STK3: variants seen among roughly 807,000 people sequenced by gnomAD.
The protein encoded by STK3 is serine/threonine-protein kinase 3.
A neutral mutation model predicts 58.0 loss-of-function variants in STK3; 41 were observed. That is an observed-to-expected ratio of 0.71 (90% CI 0.55 to 0.92). The LOEUF is 0.92. Among genes scored for constraint, STK3 ranks in the 40% least tolerant of loss-of-function variants. STK3 has a pLI of 0.00. For synonymous variants in STK3, 170 were observed against 191.0 expected (o/e 0.89, Z 0.91); for missense variants, 479 against 602.7 (o/e 0.79, Z 2.15).
At chr8:98,434,037 C>T (rs1189253667) in intron 3 of STK3, 2 of 152,226 alleles carry the variant, frequency 1.3e-5, no homozygotes, top group African/African-American at 4.8e-5. Context: ...GCTAGGAGAT[C>T]CCCTACCTGT....
intron 8 of STK3, among the ~76,000 whole-genome samples, chr8:98,562,575 C>T (rs1812132131): frequency 6.6e-6 from 1 of 151,326 alleles, no homozygotes; most frequent in South Asian, 2.1e-4. Flanking sequence ...TTCTGTTTGA[C>T]AGTACAGTGT....
chr8:98,616,651 G>C (rs1300598844), intron 6 of STK3, among the ~76,000 whole-genome samples: 3 of 149,082 alleles, frequency 2.0e-5, no homozygotes, highest in African/African-American at 7.4e-5. Context: ...AAAAAGGCAG[G>C]GGTTGCAATC....
chr8:98,845,820 G>C (rs1836179968), intron 3 of STK3, among the ~76,000 whole-genome samples: 1 of 152,226 alleles, frequency 6.6e-6, no homozygotes, highest in African/African-American at 2.4e-5. Flanking sequence ...TGGAAGACTT[G>C]TAGCAGGAGG....
rs1350501398 is a variant in STK3, at chr8:98,921,877, A to G, written c.-79+20501T>C. ...TGGTTAAGTTTTTGTATTTTTTAGT[A>G]AAGACAGGGTTTTGCCATGTTGGCC... On this transcript the variant is annotated intron_variant, in intron 1 of 1. Coordinates refer to the STK3 transcript ENST00000519420. Among the ~76,000 whole-genome samples, 4 of 152,164 alleles carry G rather than the reference A, an allele frequency of 2.6e-5. No individual in the cohort carries two copies. The East Asian group carries it at 7.7e-4, about 29-fold the overall frequency.
At chr8:98,462,129 G>A (rs1022410427) in intron 10 of STK3, among the ~76,000 whole-genome samples, 2 of 152,082 alleles carry the variant, frequency 1.3e-5, no homozygotes. Flanking sequence ...GTACAATTAA[G>A]TTATTATTAA....
chr8:98,471,163 G>A (rs16897031), intron 10 of STK3, among the ~76,000 whole-genome samples: 8,581 of 151,998 alleles, frequency 0.056, 335 homozygotes, highest in South Asian at 0.19. Context: ...CAATGGTATC[G>A]GAAACTGAGA....
At chr8:98,910,685 A>T (rs1839094151) in intron 1 of STK3, among the ~76,000 whole-genome samples, 1 of 152,218 alleles carries the variant, frequency 6.6e-6, no homozygotes, top group Non-Finnish European at 1.5e-5. Flanking sequence ...GTCCCTGTGC[A>T]TTACTGCTGG....
At chr8:98,531,595 A>G (rs1486608353) in intron 9 of STK3, among the ~76,000 whole-genome samples, 1 of 152,158 alleles carries the variant, frequency 6.6e-6, no homozygotes, top group Non-Finnish European at 1.5e-5. Flanking sequence ...CTTAGTCACC[A>G]CCACCAGCCT....
chr8:98,394,580 C>G (rs1384157630), intron 3 of STK3, among the ~76,000 whole-genome samples: 1 of 152,190 alleles, frequency 6.6e-6, no homozygotes, highest in Non-Finnish European at 1.5e-5. Flanking sequence ...CACATGAATT[C>G]TTCCAAATAG....
chr8:98,580,474 T>C (rs899314978), intron 7 of STK3, among the ~76,000 whole-genome samples: 1 of 152,104 alleles, frequency 6.6e-6, no homozygotes, highest in Admixed American at 6.5e-5. Flanking sequence ...AGGAGGGACA[T>C]GAGAGAAAGT....
the STK3 span, among the ~76,000 whole-genome samples, chr8:98,363,270 C>A: frequency 6.6e-6 from 1 of 152,268 alleles, no homozygotes; most frequent in African/African-American, 2.4e-5. Context: ...AGAGAAGGTC[C>A]ATCTATCTCT....
intron 4 of STK3, among the ~76,000 whole-genome samples, chr8:98,711,244 G>A (rs973409540): frequency 8.5e-5 from 13 of 152,084 alleles, no homozygotes; most frequent in Admixed American, 4.6e-4. Context: ...TCCTCCAAAG[G>A]AACACAGCTC....
At chr8:98,743,153 G>C (rs1249740073) in intron 4 of STK3, among the ~76,000 whole-genome samples, 1 of 151,622 alleles carries the variant, frequency 6.6e-6, no homozygotes, top group Non-Finnish European at 1.5e-5. Flanking sequence ...TGGCCATACT[G>C]CCCAAGGTAT....
intron 1 of STK3, chr8:98,437,941 T>C (rs1818552025): frequency 6.6e-6 from 1 of 152,234 alleles, no homozygotes; most frequent in Non-Finnish European, 1.5e-5. Flanking sequence ...TACATGCCTG[T>C]CCTGGGCTAG....
chr8:98,413,824 C>T, intron 3 of STK3: 1 of 594,242 alleles, frequency 1.7e-6, no homozygotes. Flanking sequence ...ACCCACAAAC[C>T]CCTCCCAGAT....
rs36085293 is a variant in STK3 at position 98,730,715 on chromosome 8, C to CAAAAAAA, written c.351+18554_351+18560dup. Reference sequence around the variant, plus strand: ...TGAACAACAGGGCAAGACTCCGTCTCAAAAAAAAAAAAAAAAAAAAAAACA... The same window carrying CAAAAAAA: ...TGAACAACAGGGCAAGACTCCGTCTCAAAAAAAAAAAAAAAAAAAAAAAAAAAAAACA... On this transcript the variant is annotated intron_variant, in intron 4 of 10. Transcript: ENST00000419617. Among the ~76,000 whole-genome samples, 147 of 66,340 alleles carry CAAAAAAA rather than the reference C, an allele frequency of 2.2e-3. 2 individuals are homozygous for CAAAAAAA. Among genetic ancestry groups the CAAAAAAA allele is most frequent in the South Asian group, 4.2e-3 (6 of 1,436 alleles). The allele number at this position is 66,340 out of a possible 152,430, so 43.5% of individuals were successfully genotyped here.
intron 6 of STK3, among the ~76,000 whole-genome samples, chr8:98,656,080 C>A (rs1821478554): frequency 6.6e-6 from 1 of 152,112 alleles, no homozygotes; most frequent in Admixed American, 6.5e-5. Flanking sequence ...GACTTGGAAC[C>A]AACCTAAATG....
intron 6 of STK3, among the ~76,000 whole-genome samples, chr8:98,683,853 T>C (rs1823799522): frequency 6.6e-6 from 1 of 152,114 alleles, no homozygotes; most frequent in Admixed American, 6.5e-5. Flanking sequence ...AAATACACAA[T>C]GTAACAAGAT....
chr8:98,414,675 G>A (rs777919176), intron 3 of STK3, among the ~76,000 whole-genome samples: 1 of 152,230 alleles, frequency 6.6e-6, no homozygotes, highest in Non-Finnish European at 1.5e-5. Flanking sequence ...GGCCACACAG[G>A]TAGATAAATT....
Sources: gnomAD v4.1 joint callset for allele counts (sites outside exome capture counted in the v4.1 genomes callset) on GRCh38, gnomAD v4.1.1 for gene constraint, MANE v1.5 for transcripts, NCBI Gene and HGNC (gene_info 2026-07-23, HGNC 2026-07-21) for gene names.